Variants in C14orf39 observed in about 807,000 individuals in gnomAD.
The protein encoded by C14orf39 is chromosome 14 open reading frame 39.
A neutral mutation model predicts 85.6 loss-of-function variants in C14orf39; 66 were observed. The ratio of observed to expected loss-of-function variants is 0.77; its 90% CI spans 0.63 to 0.95. C14orf39 has a LOEUF of 0.95. Among genes scored for constraint, C14orf39 ranks in the 40% least tolerant of loss-of-function variants. The pLI is 0.00. For synonymous variants in C14orf39, 242 were observed against 214.0 expected (o/e 1.13, Z -1.14); for missense variants, 735 against 663.9 (o/e 1.11, Z -1.18).
At chr14:60,450,692 A>G (rs1890991133) in intron 16 of C14orf39, among the ~76,000 whole-genome samples, 1 of 152,146 alleles carries the variant, frequency 6.6e-6, no homozygotes, top group African/African-American at 2.4e-5. Context: ...GGTAGTGGTT[A>G]CAGAAGGCCT....
chr14:60,471,867 A>G, intron 5 of C14orf39, 128 bp from the exon 6 acceptor site: 1 of 577,588 alleles, frequency 1.7e-6, no homozygotes, highest in South Asian at 2.6e-5. Context: ...TTCCCTCAAT[A>G]TTGTCTGCCC....
intron 2 of C14orf39, among the ~76,000 whole-genome samples, chr14:60,492,220 A>G (rs1206819442): frequency 1.3e-5 from 2 of 152,246 alleles, no homozygotes; most frequent in Admixed American, 1.3e-4. Context: ...AAGACCTTCC[A>G]CAGGAAGAGA....
intron 1 of C14orf39, among the ~76,000 whole-genome samples, chr14:60,506,591 G>A (rs1893207040): frequency 6.6e-6 from 1 of 152,134 alleles, no homozygotes; most frequent in Non-Finnish European, 1.5e-5. Context: ...AGGTGCCCTG[G>A]CGCAGTCTAT....
At chr14:60,496,508 C>T (rs1893072212) in intron 2 of C14orf39, 1 of 241,564 alleles carries the variant, frequency 4.1e-6, no homozygotes, top group Non-Finnish European at 8.5e-6. Flanking sequence ...ATTCTTACTG[C>T]TTGGACTGGG....
chr14:60,443,383 C>T (rs993559461), intron 16 of C14orf39, among the ~76,000 whole-genome samples: 1 of 152,368 alleles, frequency 6.6e-6, no homozygotes, highest in Non-Finnish European at 1.5e-5. Context: ...CCGTGCCTGG[C>T]TCGGTGAGTG....
Position 60,461,563 on chromosome 14 carries a change from A to C in C14orf39, c.1003T>G (p.Ser335Ala). 1 of 1,585,038 alleles carries C rather than the reference A, an allele frequency of 6.3e-7. No homozygotes were observed. Among genetic ancestry groups the C allele is most frequent in the South Asian group, 1.2e-5 (1 of 84,656 alleles). The change falls in exon 12 of 18, where the codon TCA (serine) becomes GCA (alanine). Residue 335 changes from serine (S) to alanine (A), a missense_variant. Physicochemically the swap from Ser to Ala is moderately conservative, Grantham distance 99 (BLOSUM62 1). Transcript: ENST00000321731. ...IFNDSAVDNHSKCSHITTITS... is the reference protein window; with the variant it reads ...IFNDSAVDNHAKCSHITTITS... ...ATAGTCGTAATATGTGAACATTTTG[A>C]ATGGTTATCCACAGCAGAGTCATTA... is the stretch of plus-strand genomic sequence containing the variant.
intron 4 of C14orf39, among the ~76,000 whole-genome samples, chr14:60,480,409 CAA>C (rs1457327994): frequency 6.6e-6 from 1 of 152,050 alleles, no homozygotes; most frequent in Non-Finnish European, 1.5e-5. Context: ...GCCTGGGTGA[CAA>C]GAGTGAAACT....
intron 1 of C14orf39, among the ~76,000 whole-genome samples, chr14:60,502,398 G>A (rs1893159842): frequency 6.6e-6 from 1 of 151,498 alleles, no homozygotes; most frequent in African/African-American, 2.4e-5. Flanking sequence ...AGGATAAAAA[G>A]GTAAAGAAAC....
chr14:60,474,286 T>C (rs934982211), intron 5 of C14orf39, among the ~76,000 whole-genome samples: 1 of 152,182 alleles, frequency 6.6e-6, no homozygotes, highest in Non-Finnish European at 1.5e-5. Context: ...TCTACCAGCT[T>C]AAGGAGAGTT....
intron 4 of C14orf39, among the ~76,000 whole-genome samples, chr14:60,479,193 A>C (rs1380545851): frequency 6.6e-6 from 1 of 152,190 alleles, no homozygotes; most frequent in Non-Finnish European, 1.5e-5. Context: ...ATAATTATAC[A>C]TTTTAACATC....
chr14:60,464,055 T>C (rs1041895431), intron 11 of C14orf39, among the ~76,000 whole-genome samples: 4 of 152,154 alleles, frequency 2.6e-5, no homozygotes, highest in African/African-American at 4.8e-5. Flanking sequence ...GACCAAGTTC[T>C]GGCCAATGAA....
chr14:60,511,277 G>A lies in C14orf39; in HGVS notation c.-144+4118C>T. 6.8e-6 allele frequency: 11 copies of A among 1,611,552 alleles called. No individual in the cohort carries two copies. In the South Asian group the frequency reaches 1.2e-4, roughly 18 times the overall value. On this transcript the variant is annotated intron_variant, in intron 1 of 5. Coordinates refer to the C14orf39 transcript ENST00000556799. ...AGTTGCCCATCCAGGATGCTCAGAAGCAGATTCCAGTGTAAAAACGAGAAA... is the reference window on the plus strand; with the variant it reads ...AGTTGCCCATCCAGGATGCTCAGAAACAGATTCCAGTGTAAAAACGAGAAA...
chr14:60,467,468 G>T (rs1193353653), intron 9 of C14orf39, among the ~76,000 whole-genome samples: 2 of 151,608 alleles, frequency 1.3e-5, no homozygotes, highest in Non-Finnish European at 3.0e-5. Flanking sequence ...AATCATAAAT[G>T]GGTCTTTTAA....
chr14:60,498,725 TA>T (rs1400926611), intron 2 of C14orf39, among the ~76,000 whole-genome samples: 4 of 152,222 alleles, frequency 2.6e-5, no homozygotes, highest in Non-Finnish European at 4.4e-5. Context: ...GAGGAAACGA[TA>T]AACTTTTACT....
chr14:60,465,545 C>A (rs1891743061), intron 11 of C14orf39, among the ~76,000 whole-genome samples: 1 of 152,032 alleles, frequency 6.6e-6, no homozygotes. Context: ...AAACTAACTA[C>A]CACTGAGGTA....
intron 16 of C14orf39, among the ~76,000 whole-genome samples, chr14:60,451,828 A>G (rs1213504010): frequency 1.3e-5 from 2 of 152,264 alleles, no homozygotes; most frequent in Non-Finnish European, 2.9e-5. Flanking sequence ...CTAGAACTTA[A>G]AGTATAATAA....
intron 7 of C14orf39, among the ~76,000 whole-genome samples, chr14:60,470,886 C>T (rs79545315): frequency 0.021 from 3,174 of 151,972 alleles, 101 homozygotes; most frequent in African/African-American, 0.073. Flanking sequence ...ATCTCTCTGA[C>T]AAACAGGTGA....
intron 17 of C14orf39, among the ~76,000 whole-genome samples, chr14:60,439,733 T>A (rs1232122533): frequency 6.6e-6 from 1 of 152,186 alleles, no homozygotes. Flanking sequence ...TGTATTATAT[T>A]TGAAAACACT....
At chr14:60,453,712 C>A (rs1891139431) in intron 16 of C14orf39, among the ~76,000 whole-genome samples, 1 of 151,332 alleles carries the variant, frequency 6.6e-6, no homozygotes, top group African/African-American at 2.4e-5. Flanking sequence ...CCTGATAGTT[C>A]TTGACCACTT....
Sources: gnomAD v4.1 joint callset for allele counts (sites outside exome capture counted in the v4.1 genomes callset) on GRCh38, gnomAD v4.1.1 for gene constraint, MANE v1.5 for transcripts, NCBI Gene and HGNC (gene_info 2026-07-23, HGNC 2026-07-21) for gene names.